The following KCNN2 variants were observed in gnomAD, a reference collection of about 807,000 sequenced individuals.
KCNN2 encodes small conductance calcium-activated potassium channel protein 2.
Under a neutral mutation model 55.5 loss-of-function variants are expected in KCNN2, and 24 were observed. The ratio of observed to expected loss-of-function variants is 0.43; its 90% CI spans 0.31 to 0.61. The LOEUF (loss-of-function observed/expected upper bound fraction) is 0.61. Among genes scored for constraint, KCNN2 ranks in the 20% least tolerant of loss-of-function variants. The pLI is 0.08. For missense variants in KCNN2, 754 were observed against 853.6 expected (o/e 0.88, Z 1.45); for synonymous variants, 431 against 336.1 (o/e 1.28, Z -3.09).
chr5:114,478,649 G>A (rs566979752), intron 5 of KCNN2, among the ~76,000 whole-genome samples: 13 of 152,126 alleles, frequency 8.5e-5, no homozygotes, highest in Admixed American at 7.9e-4. Flanking sequence ...GGAAGCCAGA[G>A]AGAAAGGCCA....
At chr5:114,337,688 A>T (rs1044133414) in intron 2 of KCNN2, among the ~76,000 whole-genome samples, 1 of 152,166 alleles carries the variant, frequency 6.6e-6, no homozygotes, top group Non-Finnish European at 1.5e-5. Flanking sequence ...ATGACCACAG[A>T]CAATAGTGTT....
Position 114,451,875 on chromosome 5 carries a change from T to A in KCNN2, c.1638-11174T>A, listed in dbSNP as rs866078179. Among the ~76,000 whole-genome samples, 3 of 148,800 alleles carry A rather than the reference T, an allele frequency of 2.0e-5. No individual in the cohort carries two copies. In the South Asian group the frequency reaches 6.4e-4, roughly 32 times the overall value. Reference sequence around the variant, plus strand: ...TCACGCCACTACACTCCAGCCTGGGTGACAGAGCAAGACACTGTCTCAAAA... The same window carrying A: ...TCACGCCACTACACTCCAGCCTGGGAGACAGAGCAAGACACTGTCTCAAAA... On this transcript the variant is annotated intron_variant, in intron 3 of 7. Coordinates refer to ENST00000673685, the MANE Select transcript of KCNN2 (RefSeq NM_021614.4).
intron 3 of KCNN2, among the ~76,000 whole-genome samples, chr5:114,446,818 C>A (rs1481529404): frequency 6.6e-6 from 1 of 152,078 alleles, no homozygotes; most frequent in Non-Finnish European, 1.5e-5. Flanking sequence ...AGGATAATTG[C>A]TTGAATCAGG....
chr5:114,292,970 A>G (rs1755928008), intron 2 of KCNN2, among the ~76,000 whole-genome samples: 1 of 152,126 alleles, frequency 6.6e-6, no homozygotes, highest in African/African-American at 2.4e-5. Context: ...ATGGGAGTTT[A>G]CTCATGATTT....
intron 2 of KCNN2, among the ~76,000 whole-genome samples, chr5:114,268,598 C>T (rs1392798768): frequency 6.6e-6 from 1 of 152,182 alleles, no homozygotes; most frequent in African/African-American, 2.4e-5. Context: ...GAAAGAAGGT[C>T]ATGATCAGAG....
intron 3 of KCNN2, among the ~76,000 whole-genome samples, chr5:114,423,034 G>A (rs1476554119): frequency 1.3e-5 from 2 of 152,178 alleles, no homozygotes; most frequent in Admixed American, 6.5e-5. Flanking sequence ...CACAAAGCTG[G>A]TGTTCAATTA....
In KCNN2 at chr5:114,362,537, C is replaced by G. The variant is rs1449982042; in HGVS notation, c.398C>G (p.Ser133Cys). Reference protein sequence around the residue: ...SQLNVSELTPSSHASALRQQY... With the variant: ...SQLNVSELTPCSHASALRQQY... Reference sequence around the variant, plus strand: ...CTCAATGTGAGCGAGCTGACGCCGTCCAGCCATGCCAGTGCGCTCCGGCAG... The same window carrying G: ...CTCAATGTGAGCGAGCTGACGCCGTGCAGCCATGCCAGTGCGCTCCGGCAG... The change falls in exon 1 of 8, where the codon TCC becomes TGC. Residue 133 changes from serine (S) to cysteine (C), a missense_variant. Ser to Cys is a moderately radical substitution (Grantham distance 112). Coordinates refer to ENST00000673685, the MANE Select transcript of KCNN2 (RefSeq NM_021614.4). 9.0e-6 allele frequency: 5 copies of G among 553,934 alleles called. No individual in the cohort carries two copies. Among genetic ancestry groups the G allele is most frequent in the East Asian group, 3.3e-5 (1 of 30,232 alleles). 34.3% of individuals were successfully genotyped at this position (553,934 alleles called of 1,614,324 possible).
chr5:114,105,914 T>G (rs1361966145), intron 1 of KCNN2, among the ~76,000 whole-genome samples: 1 of 151,980 alleles, frequency 6.6e-6, no homozygotes, highest in Non-Finnish European at 1.5e-5. Context: ...TCTGAGATAT[T>G]TCATATTATT....
chr5:114,332,593 T>C (rs1246928178), intron 2 of KCNN2, among the ~76,000 whole-genome samples: 2 of 152,138 alleles, frequency 1.3e-5, no homozygotes, highest in African/African-American at 4.8e-5. Flanking sequence ...GATCTTGATG[T>C]GGTCCTGGGC....
intron 6 of KCNN2, among the ~76,000 whole-genome samples, chr5:114,488,644 T>C (rs1305648016): frequency 6.6e-5 from 10 of 152,096 alleles, no homozygotes; most frequent in African/African-American, 2.4e-4. Flanking sequence ...CCAGAGATGC[T>C]GAGCTTTCGC....
Position 114,194,130 on chromosome 5 carries a change from A to C in KCNN2, c.-270-27350A>C, listed in dbSNP as rs924107112. 9.2e-5 allele frequency among the ~76,000 whole-genome samples: 14 copies of C among 152,086 alleles called. 1 individual carries two copies. Among genetic ancestry groups the C allele is most frequent in the South Asian group, 6.2e-4 (3 of 4,832 alleles). ...TTGTATGAATAATATTACATACAATATTATTCATAGTACAATAATACTATG... is the reference window on the plus strand; with the variant it reads ...TTGTATGAATAATATTACATACAATCTTATTCATAGTACAATAATACTATG... On this transcript the variant is annotated intron_variant, in intron 1 of 10. Transcript: ENST00000512097.
At chr5:114,336,574 G>T (rs1269690282) in intron 2 of KCNN2, among the ~76,000 whole-genome samples, 1 of 152,190 alleles carries the variant, frequency 6.6e-6, no homozygotes, top group Non-Finnish European at 1.5e-5. Context: ...AGTGGAAGAG[G>T]CAGGTGGAAA....
chr5:114,165,525 T>G (rs966713241), intron 1 of KCNN2, among the ~76,000 whole-genome samples: 1 of 152,132 alleles, frequency 6.6e-6, no homozygotes, highest in Admixed American at 6.6e-5. Context: ...TGACTAAAAG[T>G]TCTTTACTTA....
intron 2 of KCNN2, among the ~76,000 whole-genome samples, chr5:114,364,496 C>A (rs907040724): frequency 2.0e-5 from 3 of 152,076 alleles, no homozygotes; most frequent in African/African-American, 7.2e-5. Context: ...CTAACCCCTT[C>A]CTAAATCCCC....
At chr5:114,388,300 G>C (rs904723995) in intron 2 of KCNN2, among the ~76,000 whole-genome samples, 10 of 151,836 alleles carry the variant, frequency 6.6e-5, no homozygotes, top group African/African-American at 2.4e-4. Context: ...TTCTTTCTCT[G>C]GCATTTTAGA....
chr5:114,288,648 G>T (rs1755813191), intron 2 of KCNN2, among the ~76,000 whole-genome samples: 1 of 151,836 alleles, frequency 6.6e-6, no homozygotes, highest in South Asian at 2.1e-4. Flanking sequence ...TCATGTGCTT[G>T]TTGTCAATCG....
At chr5:114,405,814 C>A (rs1286093957) in intron 3 of KCNN2, among the ~76,000 whole-genome samples, 1 of 151,810 alleles carries the variant, frequency 6.6e-6, no homozygotes, top group Non-Finnish European at 1.5e-5. Context: ...AGGTTCACAC[C>A]ATTCTCCTGC....
chr5:114,369,889 GAGAGA>G (rs1757713317), intron 2 of KCNN2, among the ~76,000 whole-genome samples: 1 of 152,098 alleles, frequency 6.6e-6, no homozygotes, highest in Non-Finnish European at 1.5e-5. Context: ...TTGTACAGTT[GAGAGA>G]TAAGGGCACT....
chr5:114,315,224 A>T (rs778016083), intron 2 of KCNN2, among the ~76,000 whole-genome samples: 1 of 152,140 alleles, frequency 6.6e-6, no homozygotes, highest in Non-Finnish European at 1.5e-5. Context: ...AAACTATTAT[A>T]CCTGGTGAAT....
Sources: allele counts gnomAD v4.1 joint callset (sites outside exome capture counted in the v4.1 genomes callset), GRCh38; gene constraint gnomAD v4.1.1; transcripts MANE v1.5; gene names NCBI Gene and HGNC (gene_info 2026-07-23, HGNC 2026-07-21).